The following NCKAP5 variants were observed in gnomAD, a reference collection of about 807,000 sequenced individuals.
The protein encoded by NCKAP5 is nck-associated protein 5.
A neutral mutation model predicts 167.0 loss-of-function variants in NCKAP5; 92 were observed. The ratio of observed to expected loss-of-function variants is 0.55; its 90% CI spans 0.47 to 0.66. NCKAP5 has a LOEUF of 0.66. Among genes scored for constraint, NCKAP5 ranks in the 30% least tolerant of loss-of-function variants. NCKAP5 has a pLI of 0.00. For synonymous variants in NCKAP5, 891 were observed against 877.4 expected (o/e 1.02, Z -0.27); for missense variants, 2,378 against 2,315.0 (o/e 1.03, Z -0.56).
At chr2:132,700,247 A>T (rs749450231) in intron 19 of NCKAP5, among the ~76,000 whole-genome samples, 15 of 149,228 alleles carry the variant, frequency 1.0e-4, no homozygotes, top group Admixed American at 4.6e-4. Flanking sequence ...TGGGTAGATT[A>T]CAAAAATTTT....
intron 5 of NCKAP5, among the ~76,000 whole-genome samples, chr2:133,170,749 GCTT>G (rs1313898691): frequency 2.6e-5 from 4 of 152,176 alleles, no homozygotes; most frequent in Non-Finnish European, 5.9e-5. Flanking sequence ...CAAAGCCATG[GCTT>G]CTTCTTTTCT....
At chr2:132,933,481 TCCAA>T (rs1201614502) in intron 8 of NCKAP5, among the ~76,000 whole-genome samples, 32 of 152,208 alleles carry the variant, frequency 2.1e-4, no homozygotes, top group African/African-American at 6.3e-4. Context: ...CAGGTAGGAA[TCCAA>T]GGGAAATTTT....
chr2:132,832,395 T>C (rs1687586195), intron 11 of NCKAP5, among the ~76,000 whole-genome samples: 1 of 152,152 alleles, frequency 6.6e-6, no homozygotes, highest in South Asian at 2.1e-4. Context: ...TGCATGTATA[T>C]ATGGGGTACA....
At chr2:132,906,582 A>G (rs1015592916) in intron 8 of NCKAP5, among the ~76,000 whole-genome samples, 2 of 152,180 alleles carry the variant, frequency 1.3e-5, no homozygotes, top group African/African-American at 4.8e-5. Context: ...GAGACCCCCA[A>G]GCAGATCTGA....
chr2:133,312,572 G>A (rs1681322001), intron 3 of NCKAP5, among the ~76,000 whole-genome samples: 1 of 152,126 alleles, frequency 6.6e-6, no homozygotes, highest in African/African-American at 2.4e-5. Context: ...ACTGCCTATT[G>A]TGCACTCTTC....
intron 4 of NCKAP5, among the ~76,000 whole-genome samples, chr2:133,287,850 C>A (rs1003416498): frequency 6.6e-6 from 1 of 152,000 alleles, no homozygotes; most frequent in Non-Finnish European, 1.5e-5. Context: ...CAAAGGAGTG[C>A]GTGTGTAGAA....
chr2:133,599,818 C>T, the NCKAP5 span, among the ~76,000 whole-genome samples: 1 of 152,236 alleles, frequency 6.6e-6, no homozygotes, highest in African/African-American at 2.4e-5. Context: ...ACCCTGTCTA[C>T]AGCCCAAGAG....
chr2:132,776,667 A>C (rs996486130), intron 15 of NCKAP5, among the ~76,000 whole-genome samples: 1 of 152,180 alleles, frequency 6.6e-6, no homozygotes, highest in Non-Finnish European at 1.5e-5. Context: ...TATCCATACA[A>C]ATAGATTTCA....
intron 6 of NCKAP5, among the ~76,000 whole-genome samples, chr2:132,997,927 T>C (rs920006911): frequency 1.3e-5 from 2 of 152,110 alleles, no homozygotes; most frequent in Non-Finnish European, 2.9e-5. Flanking sequence ...TTTTCCATCA[T>C]GTTTGCCGAA....
intron 4 of NCKAP5, among the ~76,000 whole-genome samples, chr2:133,250,347 G>GCCCTGGACAGCTCAGCCCTCTGCCTCA (rs1252181497): frequency 6.6e-6 from 1 of 152,098 alleles, no homozygotes. Context: ...ATGGGTTGGA[G>GCCCTGGACAGCTCAGCCCTCTGCCTCA]CCCTGGACAG....
At chr2:133,389,509 C>T (rs562325379) in intron 3 of NCKAP5, among the ~76,000 whole-genome samples, 22 of 152,300 alleles carry the variant, frequency 1.4e-4, no homozygotes, top group African/African-American at 3.6e-4. Context: ...AAGTTCCTAA[C>T]GTTTTGGTAT....
chr2:132,866,102 G>C lies in NCKAP5; in HGVS notation c.687+2834C>G, dbSNP rs576209320. Among the ~76,000 whole-genome samples the C allele has an allele frequency of 1.1e-4, 17 of 152,252 alleles. No homozygotes were observed. In the South Asian group the frequency reaches 3.5e-3, roughly 32 times the overall value. ...ACCATACCCAGCTTTATTCCATGTC[G>C]GTGAAGAAAACACATCATCGAAATA... On this transcript the variant is annotated intron_variant, in intron 10 of 19. Coordinates refer to ENST00000409261, the MANE Select transcript of NCKAP5 (RefSeq NM_207363.3).
the NCKAP5 span, among the ~76,000 whole-genome samples, chr2:133,668,769 C>T: frequency 6.6e-6 from 1 of 152,102 alleles, no homozygotes; most frequent in African/African-American, 2.4e-5. Flanking sequence ...TCAAATGTGG[C>T]ATGTTTTCAG....
At chr2:133,293,154 T>C (rs1405173236) in intron 4 of NCKAP5, among the ~76,000 whole-genome samples, 1 of 152,126 alleles carries the variant, frequency 6.6e-6, no homozygotes, top group East Asian at 1.9e-4. Context: ...TTGATAAATG[T>C]GAAATGTTTC....
intron 11 of NCKAP5, among the ~76,000 whole-genome samples, chr2:132,859,233 A>G (rs1019734910): frequency 5.3e-5 from 8 of 152,200 alleles, no homozygotes; most frequent in African/African-American, 1.9e-4. Context: ...GAGCTGTTTT[A>G]TTTTAATTTG....
Position 133,445,654 on chromosome 2 carries a change from G to A in NCKAP5, c.69+71804C>T, listed in dbSNP as rs569504930. Among the ~76,000 whole-genome samples, 3 of 152,270 alleles carry A rather than the reference G, an allele frequency of 2.0e-5. 1 individual carries two copies. The highest frequency in any genetic ancestry group is 2.0e-4 in the Admixed American group (3 of 15,298). On this transcript the variant is annotated intron_variant, in intron 3 of 19. Transcript: ENST00000409261. ...CTTTTCATTGGAGTGATTGGAGAGG[G>A]TATAATTAAATTGCGATTCCACCTG...
chr2:133,115,835 C>T (rs2082063238), intron 6 of NCKAP5, among the ~76,000 whole-genome samples: 1 of 145,696 alleles, frequency 6.9e-6, no homozygotes, highest in African/African-American at 2.5e-5. Context: ...CACACACACA[C>T]ACACACACGC....
At position 133,399,382 on chromosome 2, in the gene NCKAP5, G is replaced by T. The variant is rs371505415; in HGVS notation, c.70-96272C>A. On this transcript the variant is annotated intron_variant, in intron 3 of 19. Coordinates refer to ENST00000409261, the MANE Select transcript of NCKAP5 (RefSeq NM_207363.3). ...ATTAAGAATGACTCATTGACCCTAA[G>T]ATTAAAAAAAAAAAACAAAACATAA... 2.7e-5 allele frequency among the ~76,000 whole-genome samples: 4 copies of T among 147,466 alleles called. No individual in the cohort carries two copies. In the East Asian group the frequency reaches 5.9e-4, roughly 22 times the overall value.
intron 2 of NCKAP5, among the ~76,000 whole-genome samples, chr2:133,553,608 G>T (rs1438081067): frequency 1.3e-5 from 2 of 152,098 alleles, no homozygotes; most frequent in Non-Finnish European, 2.9e-5. Context: ...TAGAAGTGTG[G>T]GCTAGAGCCA....
Sources: gnomAD v4.1 joint callset for allele counts (sites outside exome capture counted in the v4.1 genomes callset) on GRCh38, gnomAD v4.1.1 for gene constraint, MANE v1.5 for transcripts, NCBI Gene and HGNC (gene_info 2026-07-23, HGNC 2026-07-21) for gene names.